Variants in VWA8 observed in about 807,000 individuals in gnomAD.
VWA8 encodes von Willebrand factor A domain containing 8.
VWA8 carries 221 observed loss-of-function variants against 241.5 expected under a neutral mutation model. The ratio of observed to expected loss-of-function variants is 0.91; its 90% CI spans 0.82 to 1.02. The LOEUF is 1.02. Among genes scored for constraint, VWA8 ranks in the 50% least tolerant of loss-of-function variants. The pLI is 0.00. For synonymous variants in VWA8, 852 were observed against 827.1 expected, an observed-to-expected ratio of 1.03 and a Z score of -0.52; for missense variants, 2,322 against 2,328.7, an observed-to-expected ratio of 1.00 and a Z score of 0.06.
At chr13:41,913,211 T>C (rs969815288) in intron 2 of VWA8, among the ~76,000 whole-genome samples, 1 of 152,184 alleles carries the variant, frequency 6.6e-6, no homozygotes, top group Non-Finnish European at 1.5e-5. Flanking sequence ...GAAATAGATA[T>C]ATATGTGATA....
At chr13:41,607,505 C>T (rs568029564) in intron 39 of VWA8, among the ~76,000 whole-genome samples, 1 of 152,236 alleles carries the variant, frequency 6.6e-6, no homozygotes, top group South Asian at 2.1e-4. Flanking sequence ...AGAAGCTGGG[C>T]ACAATGAACA....
chr13:41,806,894 A>G (rs964913121), intron 17 of VWA8, among the ~76,000 whole-genome samples: 3 of 152,016 alleles, frequency 2.0e-5, no homozygotes, highest in South Asian at 2.1e-4. Flanking sequence ...AAAAAAAGGA[A>G]AAGATTAATG....
chr13:41,945,644 G>T (rs1365152292), intron 2 of VWA8, among the ~76,000 whole-genome samples: 1 of 152,044 alleles, frequency 6.6e-6, no homozygotes, highest in African/African-American at 2.4e-5. Context: ...AACCAGAGGG[G>T]CTCAACAACA....
intron 39 of VWA8, among the ~76,000 whole-genome samples, chr13:41,609,363 A>G (rs1211839132): frequency 6.6e-6 from 1 of 152,208 alleles, no homozygotes; most frequent in African/African-American, 2.4e-5. Flanking sequence ...CTTTTTAAAG[A>G]CTTAATAATA....
At chr13:41,831,778 C>T (rs117222667) in intron 13 of VWA8, among the ~76,000 whole-genome samples, 1,988 of 150,798 alleles carry the variant, frequency 0.013, 24 homozygotes, top group Middle Eastern at 0.048. Context: ...TGCCTCCATG[C>T]CCAGATAATT....
chr13:41,620,446 G>C (rs552053691), intron 37 of VWA8, among the ~76,000 whole-genome samples: 5 of 152,108 alleles, frequency 3.3e-5, no homozygotes, highest in African/African-American at 1.2e-4. Context: ...ATTTTTTGAA[G>C]GATTTTTTGT....
intron 12 of VWA8, among the ~76,000 whole-genome samples, chr13:41,852,645 G>A (rs926680986): frequency 1.3e-5 from 2 of 152,052 alleles, no homozygotes; most frequent in African/African-American, 4.8e-5. Flanking sequence ...TACGGTATGA[G>A]ATAAAGGTCT....
At chr13:41,602,542 T>C (rs1213607852) in intron 40 of VWA8, among the ~76,000 whole-genome samples, 1 of 152,162 alleles carries the variant, frequency 6.6e-6, no homozygotes. Context: ...AAATTATACA[T>C]ACTGGTTTCT....
chr13:41,868,246 C>T, intron 10 of VWA8, 100 bp downstream of exon 10: 1 of 1,350,458 alleles, frequency 7.4e-7, no homozygotes, highest in Non-Finnish European at 1.0e-6. Context: ...GCAGTACTAT[C>T]AAGAGAGAAG....
intron 2 of VWA8, among the ~76,000 whole-genome samples, chr13:41,915,897 T>C (rs1490681186): frequency 6.6e-6 from 1 of 152,216 alleles, no homozygotes; most frequent in East Asian, 1.9e-4. Context: ...ATAATGGCTA[T>C]AATTTATTGC....
intron 12 of VWA8, among the ~76,000 whole-genome samples, chr13:41,839,778 G>A (rs1337069600): frequency 1.3e-5 from 2 of 152,134 alleles, no homozygotes; most frequent in African/African-American, 2.4e-5. Context: ...CTGTAGACTT[G>A]TAGTACAGTT....
intron 35 of VWA8, among the ~76,000 whole-genome samples, chr13:41,679,722 T>C (rs1408253771): frequency 2.0e-5 from 3 of 152,194 alleles, no homozygotes; most frequent in Admixed American, 2.0e-4. Flanking sequence ...TCCAGACTAA[T>C]TAGATGGTTG....
intron 34 of VWA8, among the ~76,000 whole-genome samples, chr13:41,688,215 T>A (rs2045150123): frequency 6.6e-6 from 1 of 152,068 alleles, no homozygotes; most frequent in Admixed American, 6.6e-5. Context: ...ATCCATTGAG[T>A]TTTAGATTTC....
intron 12 of VWA8, among the ~76,000 whole-genome samples, chr13:41,849,278 A>G (rs932831965): frequency 2.6e-5 from 4 of 152,246 alleles, no homozygotes; most frequent in Non-Finnish European, 5.9e-5. Flanking sequence ...ATAAAACTGA[A>G]AAGCATATAT....
intron 37 of VWA8, 100 bp downstream of exon 37, chr13:41,670,846 T>C (rs886398680): frequency 2.9e-6 from 4 of 1,367,834 alleles, no homozygotes; most frequent in Non-Finnish European, 4.1e-6. Context: ...AGCAACTATT[T>C]TTGAGTCACT....
intron 12 of VWA8, among the ~76,000 whole-genome samples, chr13:41,854,200 T>C (rs369809755): frequency 6.6e-6 from 1 of 152,172 alleles, no homozygotes; most frequent in African/African-American, 2.4e-5. Flanking sequence ...TGAGTTCTAG[T>C]TGTTGCCTAA....
intron 37 of VWA8, among the ~76,000 whole-genome samples, chr13:41,630,425 CCTT>C (rs1325380865): frequency 8.6e-5 from 13 of 151,788 alleles, no homozygotes; most frequent in Non-Finnish European, 1.3e-4. Context: ...GTCTCACCCT[CCTT>C]CTTCTTTCTG....
At position 41,675,222 on chromosome 13, in the gene VWA8, T is replaced by G; in HGVS notation, c.4402A>C (p.Ile1468Leu). 1 of 1,610,180 alleles carries G rather than the reference T, an allele frequency of 6.2e-7. No homozygotes were observed. The highest frequency in any genetic ancestry group is 1.3e-5 in the African/African-American group (1 of 74,932). ...AAAGGTGAAATGGATTACCTGGGAA[T>G]AGGGATATATCGGAGTTTCTTTGAT... ...LQSKKLRYIP[I>L]PRSESLSPYT... Residue 1468 changes from isoleucine (I) to leucine (L), a missense_variant, in exon 36 of 45, where the codon ATT becomes CTT. By Grantham distance (5) the Ile-to-Leu change is conservative (BLOSUM62 2). Coordinates refer to ENST00000379310, the MANE Select transcript of VWA8 (RefSeq NM_015058.2).
intron 2 of VWA8, among the ~76,000 whole-genome samples, chr13:41,918,131 T>C (rs1462887374): frequency 2.0e-5 from 3 of 152,176 alleles, no homozygotes; most frequent in Non-Finnish European, 2.9e-5. Flanking sequence ...GGACCTACTA[T>C]ATGCTCAGCA....
Sources: gnomAD v4.1 joint callset for allele counts (sites outside exome capture counted in the v4.1 genomes callset) on GRCh38, gnomAD v4.1.1 for gene constraint, MANE v1.5 for transcripts, NCBI Gene and HGNC (gene_info 2026-07-23, HGNC 2026-07-21) for gene names.